Variants in SNX9 observed in about 807,000 individuals in gnomAD.
SNX9 encodes sorting nexin 9, also known as sorting nexin-9.
In SNX9, 44 loss-of-function variants were observed where a neutral mutation model predicts 89.4. The observed-to-expected ratio is 0.49, with a 90% CI of 0.39 to 0.63. SNX9 has a LOEUF of 0.63. SNX9 is among the 30% of genes least tolerant of loss of function. The pLI is 0.00. For missense variants in SNX9, 578 were observed against 736.1 expected, an observed-to-expected ratio of 0.79 and a Z score of 2.49; for synonymous variants, 236 against 247.8, an observed-to-expected ratio of 0.95 and a Z score of 0.45.
chr6:157,836,844 T>G (rs1333558495), intron 1 of SNX9, among the ~76,000 whole-genome samples: 1 of 151,952 alleles, frequency 6.6e-6, no homozygotes, highest in African/African-American at 2.4e-5. Flanking sequence ...GCCCACCTTG[T>G]CCTCCCAAAG....
chr6:157,870,174 A>G (rs1481073190), intron 2 of SNX9, among the ~76,000 whole-genome samples: 1 of 151,290 alleles, frequency 6.6e-6, no homozygotes, highest in Non-Finnish European at 1.5e-5. Context: ...TCTCATGCAC[A>G]CCCACACTCA....
At position 157,928,648 on chromosome 6, in the gene SNX9, G is replaced by T; in HGVS notation, c.1234G>T (p.Gly412Cys). ...VGKFTKAMDDGVKELLTVGQE... is the reference protein window; with the variant it reads ...VGKFTKAMDDCVKELLTVGQE... ...GAAGTTCACCAAGGCCATGGATGAC[G>T]GCGTGAAGGAGCTGCTGACGGTGGG... The change falls in exon 12 of 18, where the codon GGC becomes TGC. Residue 412 changes from glycine (G) to cysteine (C), a missense_variant. Physicochemically the swap from Gly to Cys is radical, Grantham distance 159. Around this residue, in one of 2 missense-constraint regions of SNX9, gnomAD observed 348 missense variants for 491.4 expected, o/e 0.71. Coordinates refer to ENST00000392185, the MANE Select transcript of SNX9 (RefSeq NM_016224.5). 3 of 1,610,952 alleles carry T rather than the reference G, an allele frequency of 1.9e-6. No homozygotes were observed. The highest frequency in any genetic ancestry group is 1.7e-6 in the Non-Finnish European group (2 of 1,178,716).
At chr6:157,914,463 C>CTTTTTTTTTTTTTTTTTTTTTTT (rs1364127737) in intron 9 of SNX9, among the ~76,000 whole-genome samples, 1 of 96,630 alleles carries the variant, frequency 1.0e-5, no homozygotes, top group African/African-American at 4.4e-5. Context: ...TTGTCATTTT[C>CTTTTTTTTTTTTTTTTTTTTTTT]TTTTTCTTTT....
At chr6:157,935,737 G>C (rs984141855) in intron 13 of SNX9, among the ~76,000 whole-genome samples, 1 of 152,184 alleles carries the variant, frequency 6.6e-6, no homozygotes, top group Admixed American at 6.5e-5. Context: ...ATGAGATGCT[G>C]ATGTCCGGTG....
intron 1 of SNX9, among the ~76,000 whole-genome samples, chr6:157,851,072 A>G (rs928289540): frequency 2.6e-4 from 39 of 152,180 alleles, no homozygotes; most frequent in African/African-American, 9.2e-4. Flanking sequence ...CCTGGCCCAC[A>G]TGGTGAAACC....
intron 1 of SNX9, among the ~76,000 whole-genome samples, chr6:157,860,682 AGT>A (rs2115129118): frequency 6.6e-6 from 1 of 152,300 alleles, no homozygotes; most frequent in East Asian, 1.9e-4. Flanking sequence ...AATCTCTAGA[AGT>A]TTGGTTACAG....
chr6:157,937,791 C>T lies in SNX9; in HGVS notation c.1533+268C>T, dbSNP rs574794576. Among the ~76,000 whole-genome samples, 6 of 152,240 alleles carry T rather than the reference C, an allele frequency of 3.9e-5. No individual in the cohort carries two copies. In the East Asian group the frequency reaches 1.2e-3, roughly 29 times the overall value. On this transcript the variant is annotated intron_variant, in intron 15 of 17. Coordinates refer to ENST00000392185, the MANE Select transcript of SNX9 (RefSeq NM_016224.5). ...TTTTATGTCAACCATAGTAGTCTAT[C>T]GTATATTATGATGTACTTGGATTTG... is the stretch of plus-strand genomic sequence containing the variant.
intron 1 of SNX9, among the ~76,000 whole-genome samples, chr6:157,838,164 C>T (rs545747506): frequency 6.6e-6 from 1 of 152,098 alleles, no homozygotes; most frequent in Non-Finnish European, 1.5e-5. Flanking sequence ...AGGCATGCAT[C>T]ACCATGCCTG....
intron 4 of SNX9, among the ~76,000 whole-genome samples, chr6:157,890,119 A>G (rs1472761241): frequency 1.3e-5 from 2 of 152,198 alleles, no homozygotes; most frequent in African/African-American, 4.8e-5. Context: ...AGTCAATTCC[A>G]ATAGCTTCCT....
rs1044429926 is a variant in SNX9 at position 157,851,878 on chromosome 6, C to T, written c.13-15669C>T. ...TGCTGGGATTACAGGTCTGAGCCAC[C>T]GTGCCCGGCCTGTTTGTCCTTTTGT... On this transcript the variant is annotated intron_variant, in intron 1 of 17. Coordinates refer to ENST00000392185, the MANE Select transcript of SNX9 (RefSeq NM_016224.5). Among the ~76,000 whole-genome samples the T allele has an allele frequency of 3.3e-5, 5 of 152,178 alleles. No individual in the cohort carries two copies. The East Asian group carries it at 7.7e-4, about 23-fold the overall frequency.
intron 1 of SNX9, among the ~76,000 whole-genome samples, chr6:157,844,203 G>A (rs1289843398): frequency 6.6e-6 from 1 of 152,096 alleles, no homozygotes; most frequent in Non-Finnish European, 1.5e-5. Flanking sequence ...CGATTTCTCA[G>A]GACAAGCGGA....
rs555924558 is a variant in SNX9 at position 157,906,943 on chromosome 6, C to T, written c.705+731C>T. On this transcript the variant is annotated intron_variant, in intron 7 of 17. Transcript: ENST00000392185. ...TGAGTGTTCTCATCCTGGACTCAATCGAGGATGAGGAAACATCTGGTCTTA... is the reference window on the plus strand; with the variant it reads ...TGAGTGTTCTCATCCTGGACTCAATTGAGGATGAGGAAACATCTGGTCTTA... Among the ~76,000 whole-genome samples the T allele has an allele frequency of 4.6e-5, 7 of 152,222 alleles. No homozygotes were observed. The South Asian group carries it at 6.2e-4, about 14-fold the overall frequency.
intron 2 of SNX9, among the ~76,000 whole-genome samples, chr6:157,868,053 G>T (rs1183112641): frequency 6.6e-6 from 1 of 152,162 alleles, no homozygotes; most frequent in Non-Finnish European, 1.5e-5. Flanking sequence ...AGATGATGGT[G>T]ATTTTCCTAA....
chr6:157,921,766 C>T (rs144687072), intron 10 of SNX9, 105 bp downstream of exon 10: 5 of 1,291,564 alleles, frequency 3.9e-6, no homozygotes, highest in Non-Finnish European at 5.3e-6. Context: ...AGTTATTTCT[C>T]ACTTCCTCCA....
At chr6:157,880,280 A>T (rs1782598283) in intron 4 of SNX9, among the ~76,000 whole-genome samples, 2 of 152,196 alleles carry the variant, frequency 1.3e-5, no homozygotes, top group African/African-American at 4.8e-5. Context: ...GACACATGGA[A>T]GATATTTCAT....
At chr6:157,928,733 C>A (rs768675626) in intron 12 of SNX9, 31 bp downstream of exon 12, 2 of 1,499,898 alleles carry the variant, frequency 1.3e-6, no homozygotes, top group Admixed American at 2.2e-5. Context: ...GCACTGGGCT[C>A]GTAGGGGGTG....
At chr6:157,884,696 A>G (rs574299358) in intron 4 of SNX9, among the ~76,000 whole-genome samples, 4 of 152,302 alleles carry the variant, frequency 2.6e-5, no homozygotes, top group African/African-American at 9.6e-5. Context: ...TCAGAACTGC[A>G]TGAGGCTGTC....
chr6:157,832,221 T>C (rs1355072013), intron 1 of SNX9, among the ~76,000 whole-genome samples: 1 of 152,228 alleles, frequency 6.6e-6, no homozygotes, highest in Non-Finnish European at 1.5e-5. Context: ...CACAGATTTG[T>C]GATTGTTCAT....
intron 12 of SNX9, among the ~76,000 whole-genome samples, chr6:157,931,017 A>G (rs1346125299): frequency 2.0e-5 from 3 of 152,218 alleles, no homozygotes; most frequent in African/African-American, 7.2e-5. Context: ...TGTCTGATCA[A>G]CTCCATGTCC....
Sources: gnomAD v4.1 joint callset for allele counts (sites outside exome capture counted in the v4.1 genomes callset) on GRCh38, gnomAD v4.1.1 for gene constraint, gnomAD v4.1.1 regional missense constraint, MANE v1.5 for transcripts, NCBI Gene and HGNC (gene_info 2026-07-23, HGNC 2026-07-21) for gene names.